The following ADAMTS14 variants were observed in gnomAD, a reference collection of about 807,000 sequenced individuals.
The protein encoded by ADAMTS14 is A disintegrin and metalloproteinase with thrombospondin motifs 14.
ADAMTS14 carries 100 observed loss-of-function variants against 128.6 expected under a neutral mutation model. The ratio of observed to expected loss-of-function variants is 0.78; its 90% confidence interval spans 0.66 to 0.92. The LOEUF is 0.92. Among genes scored for constraint, ADAMTS14 ranks in the 40% least tolerant of loss-of-function variants. The probability of loss-of-function intolerance (pLI) is 0.00; values close to 1 mark genes in which losing one functional copy is unlikely to be tolerated. For missense variants in ADAMTS14, 1,562 were observed against 1,658.6 expected (o/e 0.94, Z 1.01); for synonymous variants, 665 against 653.8 (o/e 1.02, Z -0.26).
At chr10:70,705,731 C>T (rs1006294180) in intron 3 of ADAMTS14, among the ~76,000 whole-genome samples, 3 of 152,204 alleles carry the variant, frequency 2.0e-5, no homozygotes, top group East Asian at 1.9e-4. Context: ...TTTCACTCAG[C>T]ATGTTTTCAA....
chr10:70,673,115 A>G (rs904687725), intron 1 of ADAMTS14, among the ~76,000 whole-genome samples: 9 of 152,114 alleles, frequency 5.9e-5, no homozygotes, highest in African/African-American at 2.2e-4. Context: ...ATTTGGGAGC[A>G]TCGAGTCTCT....
At position 70,744,155 on chromosome 10, in the gene ADAMTS14, G is replaced by A. The variant is rs965414852; in HGVS notation, c.2148G>A (p.Val716=). 2.6e-6 allele frequency: 4 copies of A among 1,548,566 alleles called. No homozygotes were observed. The African/African-American group carries it at 5.5e-5, about 21-fold the overall frequency. Residue 716 remains valine (V), a synonymous_variant, in exon 14 of 22, where the codon GTG becomes GTA. Coordinates refer to ENST00000373207, the MANE Select transcript of ADAMTS14 (RefSeq NM_080722.4). ...CGGDNSHCRT[V]KGTLGKASKQ... ...GTGACAACTCCCACTGCAGGACTGTGAAGGGGACGCTGGGCAAGGCCTCCA... is the reference window on the plus strand; with the variant it reads ...GTGACAACTCCCACTGCAGGACTGTAAAGGGGACGCTGGGCAAGGCCTCCA...
intron 4 of ADAMTS14, among the ~76,000 whole-genome samples, chr10:70,711,274 A>G (rs1271893813): frequency 1.3e-5 from 2 of 152,346 alleles, no homozygotes; most frequent in South Asian, 4.1e-4. Context: ...ATCCCCATCC[A>G]TGGCTGGAGA....
Position 70,708,653 on chromosome 10 carries a change from C to A in ADAMTS14, c.745C>A (p.Arg249=). 1 of 1,613,582 alleles carries A rather than the reference C, an allele frequency of 6.2e-7. No homozygotes were observed. The highest frequency in any genetic ancestry group is 8.5e-7 in the Non-Finnish European group (1 of 1,179,754). The change falls in exon 4 of 22, where the codon CGG becomes AGG. Residue 249 remains arginine (R), a synonymous_variant. Transcript: ENST00000373207. ...LVGDQLGDTE[R]KRRHAKPGSY... is the part of the protein sequence containing the mutation. ...GGGGGACCAGCTGGGCGACACAGAG[C>A]GGAAGCGGCGGCATGCCAAGCCAGG...
At chr10:70,713,215 G>A (rs1038750810) in intron 4 of ADAMTS14, among the ~76,000 whole-genome samples, 1 of 152,196 alleles carries the variant, frequency 6.6e-6, no homozygotes, top group African/African-American at 2.4e-5. Context: ...GGGTGGATCA[G>A]GCTTGCTGGA....
intron 2 of ADAMTS14, among the ~76,000 whole-genome samples, chr10:70,680,737 G>C (rs1032338113): frequency 2.0e-5 from 3 of 152,192 alleles, no homozygotes; most frequent in Non-Finnish European, 4.4e-5. Context: ...CGCCTCCTGG[G>C]TTCAAGTGAT....
rs760999643 is a variant in ADAMTS14, at chr10:70,674,778, G to T, written c.305G>T (p.Gly102Val). ...PGGTLWPGRVGRHSLYFNVTV... is the reference protein window; with the variant it reads ...PGGTLWPGRVVRHSLYFNVTV... ...GGGACCCTGTGGCCTGGCAGGGTGG[G>T]GCGCCACTCCCTCTACTTCAATGTC... The change falls in exon 2 of 22, where the codon GGG (glycine) becomes GTG (valine). Residue 102 changes from glycine to valine, a missense_variant. By Grantham distance (109) the Gly-to-Val change is moderately radical. Transcript: ENST00000373207. 3 of 1,613,504 alleles carry T rather than the reference G, an allele frequency of 1.9e-6. No individual in the cohort carries two copies. Among genetic ancestry groups the T allele is most frequent in the Non-Finnish European group, 2.5e-6 (3 of 1,179,988 alleles).
intron 2 of ADAMTS14, among the ~76,000 whole-genome samples, chr10:70,680,930 C>T (rs566359104): frequency 5.9e-5 from 9 of 152,108 alleles, no homozygotes; most frequent in Non-Finnish European, 8.8e-5. Flanking sequence ...TTACAGGCAC[C>T]GCACCCAGCC....
chr10:70,681,694 C>A (rs983514728), intron 2 of ADAMTS14, among the ~76,000 whole-genome samples: 4 of 152,190 alleles, frequency 2.6e-5, no homozygotes, highest in East Asian at 3.9e-4. Context: ...TGGGAAGCTG[C>A]GGGTCGGCTC....
chr10:70,739,135 T>C, intron 11 of ADAMTS14, 145 bp downstream of exon 11: 1 of 1,050,368 alleles, frequency 9.5e-7, no homozygotes, highest in Non-Finnish European at 1.3e-6. Context: ...GACACAAACT[T>C]GTTGGTGGAG....
At position 70,691,252 on chromosome 10, in the gene ADAMTS14, G is replaced by T. The variant is rs1003817219; in HGVS notation, c.523-11060G>T. Among the ~76,000 whole-genome samples, 4 of 143,838 alleles carry T rather than the reference G, an allele frequency of 2.8e-5. 1 individual carries two copies. The highest frequency in any genetic ancestry group is 4.9e-5 in the African/African-American group (2 of 40,696). The allele number at this position is 143,838 out of a possible 152,430, so 94.4% of individuals were successfully genotyped here. A position where few individuals can be genotyped will look rare whatever the true frequency, so the allele number is the denominator to read the frequency against. The stretch of plus-strand genomic sequence containing the variant: ...CTCACACCTGTAATCCTAGCACTTT[G>T]GGAGGCCAAGGCAGGGCCTCCCTTG... On this transcript the variant is annotated intron_variant, in intron 2 of 21. Transcript: ENST00000373207.
chr10:70,760,770 C>T lies in ADAMTS14; in HGVS notation c.3589C>T (p.Pro1197Ser), dbSNP rs763785055. 2.5e-6 allele frequency: 4 copies of T among 1,612,884 alleles called. No homozygotes were observed. Among genetic ancestry groups the T allele is most frequent in the Non-Finnish European group, 3.4e-6 (4 of 1,179,436 alleles). Residue 1197 changes from proline to serine, a missense_variant, in exon 22 of 22, where the codon CCA becomes TCA. Transcript: ENST00000373207. ...LPWGWTQTPTPVPEDKGQPGE... is the reference protein window; with the variant it reads ...LPWGWTQTPTSVPEDKGQPGE... ...TTGGGGCTGGACTCAGACACCTACG[C>T]CAGTCCCTGAGGACAAAGGGCAACC...
In ADAMTS14 at chr10:70,758,152, G is replaced by T. The variant is rs772793239; in HGVS notation, c.3068-23G>T. The T allele has an allele frequency of 5.6e-6, 9 of 1,613,602 alleles. No individual in the cohort carries two copies. In the South Asian group the frequency reaches 9.9e-5, roughly 18 times the overall value. On this transcript the variant is annotated intron_variant, in intron 20 of 21. Transcript: ENST00000373207. ...CCTTGGGCCAAAGTCCCAAATACTA[G>T]AATTGCTTCTTCCTGCTCACAGGAA...
At chr10:70,709,095 A>G (rs575814263) in intron 4 of ADAMTS14, among the ~76,000 whole-genome samples, 39 of 152,200 alleles carry the variant, frequency 2.6e-4, no homozygotes, top group Non-Finnish European at 8.8e-5. Context: ...GGGCTTGGAC[A>G]CATTCAGAGT....
intron 4 of ADAMTS14, among the ~76,000 whole-genome samples, chr10:70,711,816 C>T (rs79460638): frequency 1.3e-5 from 2 of 152,008 alleles, no homozygotes; most frequent in South Asian, 2.1e-4. Flanking sequence ...AGCGGGTGGC[C>T]GGCACCCATT....
At chr10:70,758,433 G>T in intron 21 of ADAMTS14, 148 bp downstream of exon 21, 1 of 666,284 alleles carries the variant, frequency 1.5e-6, no homozygotes, top group Non-Finnish European at 2.5e-6. Context: ...CAGTTATGAA[G>T]TGGGGAGGAG....
chr10:70,749,105 C>T (rs1564556599), intron 15 of ADAMTS14, among the ~76,000 whole-genome samples: 1 of 152,200 alleles, frequency 6.6e-6, no homozygotes, highest in African/African-American at 2.4e-5. Flanking sequence ...GGAGATAAGC[C>T]AACAGGCCGC....
chr10:70,711,792 G>A (rs1272377001), intron 4 of ADAMTS14, among the ~76,000 whole-genome samples: 1 of 152,156 alleles, frequency 6.6e-6, no homozygotes, highest in East Asian at 1.9e-4. Flanking sequence ...GAGGCGAATG[G>A]TATCCACGAG....
chr10:70,758,083 C>A lies in ADAMTS14; in HGVS notation c.3059C>A (p.Ala1020Asp). The change falls in exon 20 of 22, where the codon GCC becomes GAC. Residue 1020 changes from alanine (A) to aspartate (D), a missense_variant. By Grantham distance (126) the Ala-to-Asp change is moderately radical. Coordinates refer to ENST00000373207, the MANE Select transcript of ADAMTS14 (RefSeq NM_080722.4). ...ACTGTCCAGGTCTGCAGCCTGCCCG[C>A]CTGTGGAGGTGAGCCAGAGGGGATG... Reference protein sequence around the residue: ...PDTVQVCSLPACGGNHQNSTV... With the variant: ...PDTVQVCSLPDCGGNHQNSTV... 1 of 1,612,220 alleles carries A rather than the reference C, an allele frequency of 6.2e-7. No individual in the cohort carries two copies. Among genetic ancestry groups the A allele is most frequent in the Non-Finnish European group, 8.5e-7 (1 of 1,179,032 alleles).
Sources: allele counts gnomAD v4.1 joint callset (sites outside exome capture counted in the v4.1 genomes callset), GRCh38; gene constraint gnomAD v4.1.1; transcripts MANE v1.5; gene names NCBI Gene and HGNC (gene_info 2026-07-23, HGNC 2026-07-21).